MACROD2: variants seen among roughly 807,000 people sequenced by gnomAD.
The protein encoded by MACROD2 is mono-ADP ribosylhydrolase 2.
In MACROD2, 36 loss-of-function variants were observed where a neutral mutation model predicts 70.4. The observed-to-expected ratio is 0.51, with a 90% CI of 0.39 to 0.68. The LOEUF is 0.68. Ranked by LOEUF, MACROD2 falls within the 30% of genes least tolerant of loss-of-function variation. The pLI, the probability that MACROD2 is intolerant of heterozygous loss-of-function variation, is 0.00. For synonymous variants in MACROD2, 172 were observed against 178.8 expected (o/e 0.96, Z 0.30); for missense variants, 496 against 538.4 (o/e 0.92, Z 0.78).
chr20:15,553,348 TAC>T (rs2048123323), intron 8 of MACROD2, among the ~76,000 whole-genome samples: 2 of 152,190 alleles, frequency 1.3e-5, no homozygotes, highest in African/African-American at 4.8e-5. Context: ...ACTGCAGGAA[TAC>T]ATAGGGTCAG....
At chr20:14,532,650 C>G (rs1008176868) in intron 4 of MACROD2, among the ~76,000 whole-genome samples, 3 of 152,098 alleles carry the variant, frequency 2.0e-5, no homozygotes, top group Admixed American at 6.5e-5. Context: ...GTTTCTCCCC[C>G]CTCTTGGTTA....
intron 5 of MACROD2, among the ~76,000 whole-genome samples, chr20:15,113,693 C>G (rs1044057378): frequency 6.6e-6 from 1 of 151,608 alleles, no homozygotes; most frequent in African/African-American, 2.4e-5. Flanking sequence ...TTGCCTGTTT[C>G]TTACATACAA....
intron 10 of MACROD2, among the ~76,000 whole-genome samples, chr20:15,910,320 A>G (rs888448460): frequency 2.6e-5 from 4 of 151,914 alleles, no homozygotes; most frequent in African/African-American, 4.8e-5. Context: ...GTGTATGAAA[A>G]TTTGCATTTT....
chr20:15,126,845 A>T (rs556767424), intron 5 of MACROD2, among the ~76,000 whole-genome samples: 2 of 152,296 alleles, frequency 1.3e-5, no homozygotes, highest in South Asian at 4.1e-4. Context: ...TAATTTAAAA[A>T]AAATCTAAGT....
intron 5 of MACROD2, among the ~76,000 whole-genome samples, chr20:15,008,945 G>A (rs2075061132): frequency 6.6e-6 from 1 of 152,032 alleles, no homozygotes. Flanking sequence ...GGAAGCTTGA[G>A]TAAAACCCTT....
At chr20:15,951,999 T>G (rs1373228245) in intron 12 of MACROD2, among the ~76,000 whole-genome samples, 1 of 152,108 alleles carries the variant, frequency 6.6e-6, no homozygotes, top group Non-Finnish European at 1.5e-5. Context: ...GGGAGGTAAA[T>G]GAATCATGGG....
chr20:14,679,040 G>A (rs1440988481), intron 4 of MACROD2, among the ~76,000 whole-genome samples: 1 of 151,906 alleles, frequency 6.6e-6, no homozygotes, highest in African/African-American at 2.4e-5. Flanking sequence ...CATTTATTAA[G>A]ATAGGTGGGG....
At chr20:14,480,441 A>G (rs422154) in intron 3 of MACROD2, among the ~76,000 whole-genome samples, 145,222 of 152,238 alleles carry the variant, frequency 0.95, 69,675 homozygotes, top group East Asian at 1. Flanking sequence ...CTTATTACCT[A>G]TTGCTGCATC....
chr20:14,798,164 T>C (rs1818834811), intron 5 of MACROD2, among the ~76,000 whole-genome samples: 1 of 152,102 alleles, frequency 6.6e-6, no homozygotes, highest in African/African-American at 2.4e-5. Flanking sequence ...ATAACTGTAA[T>C]AGCTAGCATT....
chr20:15,129,035 A>T (rs1322115), intron 5 of MACROD2, among the ~76,000 whole-genome samples: 133,881 of 151,976 alleles, frequency 0.88, 59,115 homozygotes, highest in East Asian at 1. Flanking sequence ...ATTTTGTGAA[A>T]CAGTTTTTCT....
At chr20:16,038,852 G>C (rs781262424) in intron 15 of MACROD2, among the ~76,000 whole-genome samples, 1 of 151,848 alleles carries the variant, frequency 6.6e-6, no homozygotes, top group Admixed American at 6.6e-5. Flanking sequence ...ATTTACTTTT[G>C]CTTCTGACAG....
At chr20:14,683,506 T>C (rs1045655199) in intron 4 of MACROD2, among the ~76,000 whole-genome samples, 10 of 152,174 alleles carry the variant, frequency 6.6e-5, no homozygotes, top group African/African-American at 2.4e-4. Flanking sequence ...GTGAGTGTCT[T>C]TGAGGTTGAG....
At chr20:14,067,906 G>A (rs2053786474) in intron 2 of MACROD2, among the ~76,000 whole-genome samples, 1 of 152,168 alleles carries the variant, frequency 6.6e-6, no homozygotes, top group South Asian at 2.1e-4. Flanking sequence ...AAGACCATGG[G>A]CAAGCTAGTT....
chr20:15,530,972 CTTAT>C (rs2047790244), intron 8 of MACROD2, among the ~76,000 whole-genome samples: 1 of 142,188 alleles, frequency 7.0e-6, no homozygotes. Flanking sequence ...TCATAGGTGA[CTTAT>C]TTAAGTTGAA....
At chr20:15,318,636 A>G (rs1380612531) in intron 6 of MACROD2, among the ~76,000 whole-genome samples, 2 of 152,158 alleles carry the variant, frequency 1.3e-5, no homozygotes, top group African/African-American at 2.4e-5. Flanking sequence ...ACTAAATGGG[A>G]TTTATCACAG....
intron 3 of MACROD2, among the ~76,000 whole-genome samples, chr20:14,167,487 G>C: frequency 6.6e-6 from 1 of 151,850 alleles, no homozygotes. Context: ...GGGTTCAAAT[G>C]ATTCTCCTGC....
chr20:15,851,880 A>G (rs1323235181), intron 8 of MACROD2, among the ~76,000 whole-genome samples: 1 of 152,158 alleles, frequency 6.6e-6, no homozygotes, highest in Non-Finnish European at 1.5e-5. Context: ...CAAGGGAAGG[A>G]TGATGTGCAT....
chr20:14,341,499 C>T (rs1023316308), intron 3 of MACROD2, among the ~76,000 whole-genome samples: 4 of 152,014 alleles, frequency 2.6e-5, no homozygotes, highest in African/African-American at 9.7e-5. Flanking sequence ...GTTAGCCGGG[C>T]GTGGTGGCAC....
chr20:15,807,257 G>C (rs2063777618), intron 8 of MACROD2, among the ~76,000 whole-genome samples: 1 of 152,222 alleles, frequency 6.6e-6, no homozygotes, highest in Non-Finnish European at 1.5e-5. Flanking sequence ...GCAGGTGGAT[G>C]AAGTTGGCTT....
Sources: allele counts gnomAD v4.1 joint callset (sites outside exome capture counted in the v4.1 genomes callset), GRCh38; gene constraint gnomAD v4.1.1; transcripts MANE v1.5; gene names NCBI Gene and HGNC (gene_info 2026-07-23, HGNC 2026-07-21).